The following SPATA6 variants were observed in gnomAD, a reference collection of about 807,000 sequenced individuals.
SPATA6 encodes the protein spermatogenesis-associated protein 6.
Under a neutral mutation model 65.3 loss-of-function variants are expected in SPATA6, and 56 were observed. The ratio of observed to expected loss-of-function variants is 0.86; its 90% confidence interval spans 0.69 to 1.07. SPATA6 has a LOEUF of 1.07. SPATA6 is among the 50% of genes least tolerant of loss of function. The pLI, the probability that SPATA6 is intolerant of heterozygous loss-of-function variation, is 0.00. For missense variants in SPATA6, 590 were observed against 594.8 expected (o/e 0.99, Z 0.08); for synonymous variants, 199 against 213.2 (o/e 0.93, Z 0.58).
At chr1:48,282,655 G>A in the SPATA6 span, among the ~76,000 whole-genome samples, 1 of 152,174 alleles carries the variant, frequency 6.6e-6, no homozygotes, top group African/African-American at 2.4e-5. Context: ...ACACCAGTCA[G>A]AATGGTGATC....
intron 12 of SPATA6, among the ~76,000 whole-genome samples, chr1:48,299,547 G>C (rs531404817): frequency 1.3e-5 from 1 of 76,750 alleles, no homozygotes; most frequent in South Asian, 4.8e-4. Flanking sequence ...AGAATGCATA[G>C]TTGCTAAAAG....
intron 3 of SPATA6, among the ~76,000 whole-genome samples, chr1:48,442,310 A>G (rs1655567303): frequency 6.6e-6 from 1 of 152,206 alleles, no homozygotes; most frequent in Non-Finnish European, 1.5e-5. Context: ...ATCTAATCCT[A>G]CATGCCCATG....
downstream of SPATA6, among the ~76,000 whole-genome samples, chr1:48,294,368 C>T (rs1019725163): frequency 6.6e-6 from 1 of 152,160 alleles, no homozygotes; most frequent in Non-Finnish European, 1.5e-5. Flanking sequence ...TGAGCCACTG[C>T]ATCCGGCTGT....
At position 48,329,444 on chromosome 1, in the gene SPATA6, G is replaced by A. The variant is rs187953214; in HGVS notation, c.1195-23566C>T. Among the ~76,000 whole-genome samples, 548 of 152,200 alleles carry A rather than the reference G, an allele frequency of 3.6e-3. 1 individual carries two copies. Among genetic ancestry groups the A allele is most frequent in the South Asian group, 6.0e-3 (29 of 4,828 alleles). ...AGACTTGTACCAGACAAGTAAAAGC[G>A]ACACAAACTGTTATTCAAAAAGAAT... On this transcript the variant is annotated intron_variant, in intron 11 of 12. Transcript: ENST00000371847.
At chr1:48,451,461 T>A (rs1445907426) in intron 3 of SPATA6, 91 bp downstream of exon 3, 1 of 1,278,634 alleles carries the variant, frequency 7.8e-7, no homozygotes, top group Non-Finnish European at 1.1e-6. Flanking sequence ...TAACCCCTTT[T>A]AAACTTTTAT....
intron 1 of SPATA6, among the ~76,000 whole-genome samples, chr1:48,470,339 A>C (rs1048433559): frequency 6.6e-6 from 1 of 152,226 alleles, no homozygotes; most frequent in Non-Finnish European, 1.5e-5. Context: ...GGAAGAAGCC[A>C]GTAACAAAAT....
chr1:48,395,655 AG>A lies in SPATA6; in HGVS notation c.781-302del, dbSNP rs766276054. Reference sequence around the variant, plus strand: ...AGTGCCTAGTTTGCTTTCCATCACAAGGTTAAAAAAAGAGCAATATACTTTG... The same window carrying A: ...AGTGCCTAGTTTGCTTTCCATCACAAGTTAAAAAAAGAGCAATATACTTTG... On this transcript the variant is annotated intron_variant, in intron 7 of 12. Transcript: ENST00000371847. Among the ~76,000 whole-genome samples, 4 of 152,042 alleles carry A rather than the reference AG, an allele frequency of 2.6e-5. No homozygotes were observed. In the South Asian group the frequency reaches 6.2e-4, roughly 24 times the overall value.
At position 48,438,669 on chromosome 1, in the gene SPATA6, T is replaced by G. The variant is rs555098120; in HGVS notation, c.238+12883A>C. Among the ~76,000 whole-genome samples, 11 of 152,308 alleles carry G rather than the reference T, an allele frequency of 7.2e-5. No individual in the cohort carries two copies. The South Asian group carries it at 2.3e-3, about 32-fold the overall frequency. ...CATCTATCCTATCTATCCTGACCCTTGCCTCCTGGGTTCTAACGCCTGTCA... is the reference window on the plus strand; with the variant it reads ...CATCTATCCTATCTATCCTGACCCTGGCCTCCTGGGTTCTAACGCCTGTCA... On this transcript the variant is annotated intron_variant, in intron 3 of 12. Coordinates refer to ENST00000371847, the MANE Select transcript of SPATA6 (RefSeq NM_019073.4).
chr1:48,393,087 G>A (rs973245013), intron 8 of SPATA6, among the ~76,000 whole-genome samples: 4 of 152,188 alleles, frequency 2.6e-5, no homozygotes, highest in Non-Finnish European at 4.4e-5. Context: ...CAATATATGC[G>A]AAAGGAGTCA....
intron 11 of SPATA6, among the ~76,000 whole-genome samples, chr1:48,338,734 T>C (rs150750775): frequency 6.6e-6 from 1 of 152,208 alleles, no homozygotes; most frequent in East Asian, 1.9e-4. Flanking sequence ...AGATATTTTC[T>C]AAATTCTCAA....
chr1:48,437,436 C>T (rs1345517781), intron 3 of SPATA6, among the ~76,000 whole-genome samples: 1 of 152,186 alleles, frequency 6.6e-6, no homozygotes, highest in Non-Finnish European at 1.5e-5. Flanking sequence ...ATCAGAATTA[C>T]CAATCTAGCT....
intron 9 of SPATA6, among the ~76,000 whole-genome samples, chr1:48,366,918 G>A (rs960561039): frequency 2.0e-5 from 3 of 151,954 alleles, no homozygotes; most frequent in African/African-American, 7.3e-5. Context: ...TTCCTGCTTT[G>A]TCTTGTGGGC....
intron 11 of SPATA6, among the ~76,000 whole-genome samples, chr1:48,349,400 A>C (rs181873299): frequency 6.6e-6 from 1 of 151,998 alleles, no homozygotes; most frequent in Non-Finnish European, 1.5e-5. Flanking sequence ...TCATATTCCA[A>C]AGTTATTTAG....
intron 12 of SPATA6, among the ~76,000 whole-genome samples, chr1:48,302,237 G>C (rs977524770): frequency 5.3e-5 from 8 of 152,056 alleles, no homozygotes; most frequent in Non-Finnish European, 1.2e-4. Flanking sequence ...TAGATTTAGA[G>C]GGTGCAAGGG....
chr1:48,355,181 A>T (rs1231444239), intron 11 of SPATA6, among the ~76,000 whole-genome samples: 1 of 152,038 alleles, frequency 6.6e-6, no homozygotes, highest in African/African-American at 2.4e-5. Flanking sequence ...CCTCATACAG[A>T]TTTTTCCTAA....
chr1:48,381,779 G>A (rs1409737304), intron 9 of SPATA6, among the ~76,000 whole-genome samples: 1 of 147,264 alleles, frequency 6.8e-6, no homozygotes, highest in African/African-American at 2.5e-5. Flanking sequence ...GGACAATAGT[G>A]GAGGGAAGGT....
chr1:48,356,537 G>A (rs899970108), intron 10 of SPATA6, among the ~76,000 whole-genome samples: 40 of 125,866 alleles, frequency 3.2e-4, no homozygotes, highest in Non-Finnish European at 4.7e-4. Context: ...TTTTTGACAC[G>A]GAGTCTCGCT....
At chr1:48,283,695 AAAAAAG>A in the SPATA6 span, among the ~76,000 whole-genome samples, 493 of 134,954 alleles carry the variant, frequency 3.7e-3, 3 homozygotes, top group African/African-American at 0.015. Context: ...AAAAAAAAAA[AAAAAAG>A]AAAGAAAGAA....
chr1:48,462,244 A>G (rs1570648985), intron 1 of SPATA6, among the ~76,000 whole-genome samples: 1 of 152,274 alleles, frequency 6.6e-6, no homozygotes, highest in Middle Eastern at 3.4e-3. Context: ...ACCTAATGCT[A>G]AATGACGAGT....
Sources: gnomAD v4.1 joint callset for allele counts (sites outside exome capture counted in the v4.1 genomes callset) on GRCh38, gnomAD v4.1.1 for gene constraint, MANE v1.5 for transcripts, NCBI Gene and HGNC (gene_info 2026-07-23, HGNC 2026-07-21) for gene names.